The following CYP4F3 variants were observed in gnomAD, a reference collection of about 807,000 sequenced individuals.
The protein encoded by CYP4F3 is cytochrome P450 family 4 subfamily F member 3.
CYP4F3 carries 50 observed loss-of-function variants against 54.8 expected under a neutral mutation model. The observed-to-expected ratio is 0.91, with a 90% CI of 0.73 to 1.16. The LOEUF (loss-of-function observed/expected upper bound fraction) is 1.16, where lower values mean the gene tolerates loss of function less well. Among genes scored for constraint, CYP4F3 ranks in the 50% most tolerant of loss-of-function variants. The pLI is 0.00. For missense variants in CYP4F3, 715 were observed against 676.2 expected, an observed-to-expected ratio of 1.06 and a Z score of -0.64; for synonymous variants, 244 against 262.6, an observed-to-expected ratio of 0.93 and a Z score of 0.69.
At chr19:15,654,807 G>T (rs1241880111) in intron 9 of CYP4F3, among the ~76,000 whole-genome samples, 1 of 152,182 alleles carries the variant, frequency 6.6e-6, no homozygotes, top group Admixed American at 6.5e-5. Flanking sequence ...GAATAGTGCT[G>T]CAATAAATAC....
chr19:15,641,685 A>G, intron 2 of CYP4F3, 72 bp downstream of exon 2: 2 of 599,104 alleles, frequency 3.3e-6, no homozygotes, highest in Non-Finnish European at 6.0e-6. Context: ...AATGAGGCTC[A>G]GGTGAGAGGG....
rs1272270018 is a variant in CYP4F3 at position 15,659,946 on chromosome 19, C to CT, written c.*562dup. ...AGATAGTGATGAAGGTAGCACGACACTGTGAGTGCACTAAATGCTATTGAA... is the reference window on the plus strand; with the variant it reads ...AGATAGTGATGAAGGTAGCACGACACTTGTGAGTGCACTAAATGCTATTGAA... On this transcript the variant is annotated 3_prime_UTR_variant, in exon 13 of 13. Coordinates refer to ENST00000221307, the MANE Select transcript of CYP4F3 (RefSeq NM_000896.3). The CT allele has an allele frequency of 6.6e-6, 1 of 152,476 alleles. No homozygotes were observed. Among genetic ancestry groups the CT allele is most frequent in the African/African-American group, 2.4e-5 (1 of 41,444 alleles). The allele number at this position is 152,476 out of a possible 1,614,324, so 9.4% of individuals were successfully genotyped here.
At position 15,660,339 on chromosome 19, in the gene CYP4F3, T is replaced by C. The variant is rs1001949629; in HGVS notation, c.*954T>C. ...AGTAGAGATTTTATTTTTATAGCAATAGATGCACAGATATTCCTGTAAGAT... is the reference window on the plus strand; with the variant it reads ...AGTAGAGATTTTATTTTTATAGCAACAGATGCACAGATATTCCTGTAAGAT... On this transcript the variant is annotated 3_prime_UTR_variant, in exon 13 of 13. Coordinates refer to ENST00000221307, the MANE Select transcript of CYP4F3 (RefSeq NM_000896.3). The C allele has an allele frequency of 2.0e-5, 3 of 152,190 alleles. No homozygotes were observed. The highest frequency in any genetic ancestry group is 7.2e-5 in the African/African-American group (3 of 41,460). The allele number at this position is 152,190 out of a possible 1,614,324, so 9.4% of individuals were successfully genotyped here. A position where few individuals can be genotyped will look rare whatever the true frequency, so the allele number is the denominator to read the frequency against.
rs182518844 is a variant in CYP4F3, at chr19:15,643,114, A to G, written c.198+1501A>G. 1.1e-4 allele frequency among the ~76,000 whole-genome samples: 17 copies of G among 149,270 alleles called. No individual in the cohort carries two copies. In the East Asian group the frequency reaches 1.8e-3, roughly 16 times the overall value. On this transcript the variant is annotated intron_variant, in intron 2 of 12. Transcript: ENST00000221307. ...GATGGATGGATGGGCAGATAGATAT[A>G]TAGATAGAAAAGTTAGATAGGATGA... is the stretch of plus-strand genomic sequence containing the variant.
At position 15,650,106 on chromosome 19, in the gene CYP4F3, C is replaced by G; in HGVS notation, c.841C>G (p.Gln281Glu). 5 of 1,614,190 alleles carry G rather than the reference C, an allele frequency of 3.1e-6. No homozygotes were observed. The highest frequency in any genetic ancestry group is 4.2e-6 in the Non-Finnish European group (5 of 1,180,034). Residue 281 changes from glutamine (Q) to glutamate (E), a missense_variant, in exon 7 of 13, where the codon CAG becomes GAG. Transcript: ENST00000221307. ...GGAGCGGCGCCGCACCCTCCCTAGC[C>G]AGGGTGTTGATGACTTCCTCCAAGC... is the stretch of plus-strand genomic sequence containing the variant. The part of the protein sequence containing the change: ...IQERRRTLPS[Q>E]GVDDFLQAKA...
In CYP4F3 at chr19:15,660,503, T is replaced by C. The variant is rs1002585364; in HGVS notation, c.*1118T>C. 6.6e-6 allele frequency: 1 copy of C among 152,084 alleles called. No individual in the cohort carries two copies. The highest frequency in any genetic ancestry group is 2.4e-5 in the African/African-American group (1 of 41,396). The allele number at this position is 152,084 out of a possible 1,614,324, so 9.4% of individuals were successfully genotyped here. ...TAGCTTTCCCAGGTAAAAGTGGTTT[T>C]CATCCTCACACCAATTTTATGGACT... On this transcript the variant is annotated 3_prime_UTR_variant, in exon 13 of 13. Coordinates refer to ENST00000221307, the MANE Select transcript of CYP4F3 (RefSeq NM_000896.3).
intron 9 of CYP4F3, among the ~76,000 whole-genome samples, chr19:15,654,039 A>G (rs1261491857): frequency 6.6e-6 from 1 of 152,038 alleles, no homozygotes; most frequent in Non-Finnish European, 1.5e-5. Flanking sequence ...GACCAGCTAT[A>G]GAATGAGAGC....
At chr19:15,653,462 ATCT>A (rs1386139189) in intron 9 of CYP4F3, among the ~76,000 whole-genome samples, 2 of 152,094 alleles carry the variant, frequency 1.3e-5, no homozygotes, top group African/African-American at 4.8e-5. Context: ...TGTGCACAGC[ATCT>A]TTCTGTGCTC....
rs545457615 is a variant in CYP4F3, at chr19:15,658,078, T to G, written c.1116-186T>G. The G allele has an allele frequency of 4.1e-6, 4 of 967,430 alleles. No homozygotes were observed. The South Asian group carries it at 1.4e-4, about 35-fold the overall frequency. The allele number at this position is 967,430 out of a possible 1,614,324, so 59.9% of individuals were successfully genotyped here. A position where few individuals can be genotyped will look rare whatever the true frequency, so the allele number is the denominator to read the frequency against. ...TCTTTTTCTGAGCTCTTTATGCTGT[T>G]CCATGGGTCTATTTTCTTGTTTCTG... On this transcript the variant is annotated intron_variant, in intron 9 of 12. Coordinates refer to ENST00000221307, the MANE Select transcript of CYP4F3 (RefSeq NM_000896.3).
chr19:15,656,783 G>T (rs1599912770), intron 9 of CYP4F3, among the ~76,000 whole-genome samples: 1 of 117,064 alleles, frequency 8.5e-6, no homozygotes, highest in Non-Finnish European at 1.8e-5. Context: ...ATCCATCCAT[G>T]ATCTATCTCT....
At chr19:15,647,551 GT>G (rs1264949601) in intron 5 of CYP4F3, among the ~76,000 whole-genome samples, 1 of 152,188 alleles carries the variant, frequency 6.6e-6, no homozygotes, top group Non-Finnish European at 1.5e-5. Flanking sequence ...CTGTTTCTAT[GT>G]TCGCGTCACC....
At chr19:15,652,058 T>TAGAGAG (rs28371482) in intron 7 of CYP4F3, among the ~76,000 whole-genome samples, 30,948 of 150,372 alleles carry the variant, frequency 0.21, 3,420 homozygotes, top group South Asian at 0.26. Context: ...ACATTTTCTA[T>TAGAGAG]AGAGAGAGAG....
rs780753650 is a variant in CYP4F3 at position 15,656,767 on chromosome 19, T to TCTATCATC, written c.1116-1496_1116-1495insTATCATCC. Among the ~76,000 whole-genome samples the TCTATCATC allele has an allele frequency of 4.2e-4, 26 of 62,394 alleles. No individual in the cohort carries two copies. In the Admixed American group the frequency reaches 4.3e-3, roughly 10 times the overall value. The allele number at this position is 62,394 out of a possible 152,430, so 40.9% of individuals were successfully genotyped here. A position where few individuals can be genotyped will look rare whatever the true frequency, so the allele number is the denominator to read the frequency against. On this transcript the variant is annotated intron_variant, in intron 9 of 12. Coordinates refer to ENST00000221307, the MANE Select transcript of CYP4F3 (RefSeq NM_000896.3). ...ATCTATCTATCTATCTATCTATCTA[T>TCTATCATC]CATCCATCCATCCATGATCTATCTC...
Position 15,650,110 on chromosome 19 carries a change from G to A in CYP4F3, c.845G>A (p.Gly282Asp). 1.2e-6 allele frequency: 2 copies of A among 1,614,210 alleles called. No homozygotes were observed. The highest frequency in any genetic ancestry group is 1.7e-6 in the Non-Finnish European group (2 of 1,180,044). The change falls in exon 7 of 13, where the codon GGT becomes GAT. Residue 282 changes from glycine (G) to aspartate (D), a missense_variant. Coordinates refer to ENST00000221307, the MANE Select transcript of CYP4F3 (RefSeq NM_000896.3). ...QERRRTLPSQ[G>D]VDDFLQAKAK... is the part of the protein sequence containing the mutation. ...CGGCGCCGCACCCTCCCTAGCCAGG[G>A]TGTTGATGACTTCCTCCAAGCCAAG...
rs759217793 is a variant in CYP4F3 at position 15,652,653 on chromosome 19, G to C, written c.985+18G>C. ...GTTTGAGGGTGAGGGCCCCAGTGTG[G>C]GGCTAGAGTGGGGACTTGGATATCT... is the stretch of plus-strand genomic sequence containing the variant. On this transcript the variant is annotated intron_variant, in intron 8 of 12. Coordinates refer to ENST00000221307, the MANE Select transcript of CYP4F3 (RefSeq NM_000896.3). The C allele has an allele frequency of 3.3e-5, 54 of 1,614,024 alleles. No homozygotes were observed. The highest frequency in any genetic ancestry group is 1.6e-4 in the Middle Eastern group (1 of 6,084).
At position 15,652,605 on chromosome 19, in the gene CYP4F3, A is replaced by T. The variant is rs1599901766; in HGVS notation, c.955A>T (p.Arg319Ter). 3 of 1,614,178 alleles carry T rather than the reference A, an allele frequency of 1.9e-6. No homozygotes were observed. Among genetic ancestry groups the T allele is most frequent in the African/African-American group, 2.7e-5 (2 of 75,040 alleles). Residue 319 changes from arginine (R) to a stop codon, truncating the protein, a stop_gained, in exon 8 of 13, where the codon AGA becomes TGA. Coordinates refer to ENST00000221307, the MANE Select transcript of CYP4F3 (RefSeq NM_000896.3). LOFTEE classifies it high-confidence loss of function. ...DGKKLSDEDI[R>*]AEADTFMFEG... ...GAAGAAGTTGTCCGATGAGGACATA[A>T]GAGCAGAAGCTGACACCTTTATGTT...
At chr19:15,655,461 A>C (rs1315233201) in intron 9 of CYP4F3, among the ~76,000 whole-genome samples, 2 of 152,158 alleles carry the variant, frequency 1.3e-5, no homozygotes, top group Admixed American at 1.3e-4. Context: ...GGAGTATAAA[A>C]CCAAGATTTC....
At chr19:15,641,943 G>A (rs1338376888) in intron 2 of CYP4F3, among the ~76,000 whole-genome samples, 7 of 152,038 alleles carry the variant, frequency 4.6e-5, no homozygotes, top group Non-Finnish European at 4.4e-5. Flanking sequence ...TGCTGGACTC[G>A]AGGCCTCCTG....
intron 9 of CYP4F3, among the ~76,000 whole-genome samples, chr19:15,654,830 G>A (rs539899062): frequency 2.0e-4 from 30 of 152,312 alleles, no homozygotes; most frequent in African/African-American, 7.2e-4. Flanking sequence ...AAGTACAGAT[G>A]TCTCTTCCAT....
Sources: allele counts gnomAD v4.1 joint callset (sites outside exome capture counted in the v4.1 genomes callset), GRCh38; gene constraint gnomAD v4.1.1; transcripts MANE v1.5; gene names NCBI Gene and HGNC (gene_info 2026-07-23, HGNC 2026-07-21).